DGUOK: variants seen among roughly 807,000 people sequenced by gnomAD.
DGUOK encodes deoxyguanosine kinase, mitochondrial.
Under a neutral mutation model 36.6 loss-of-function variants are expected in DGUOK, and 30 were observed. That is an observed-to-expected ratio of 0.82 (90% CI 0.61 to 1.11). DGUOK has a LOEUF of 1.11. Among genes scored for constraint, DGUOK ranks in the 50% most tolerant of loss-of-function variants. The probability of loss-of-function intolerance (pLI) is 0.00; values close to 1 mark genes in which losing one functional copy is unlikely to be tolerated. For synonymous variants in DGUOK, 145 were observed against 126.3 expected (o/e 1.15, Z -0.99); for missense variants, 361 against 336.4 (o/e 1.07, Z -0.57).
chr2:73,927,023 C>G lies in DGUOK; in HGVS notation c.113C>G (p.Pro38Arg), dbSNP rs1680645724. The change falls in exon 1 of 7, where the codon CCC becomes CGC. Residue 38 changes from proline (P) to arginine (R), a missense_variant. Coordinates refer to ENST00000264093, the MANE Select transcript of DGUOK (RefSeq NM_080916.3). ...SSRGLHAGRG[P>R]RRLSIEGNIA... ...AGAGGCCTGCACGCGGGGCGCGGGC[C>G]CCGAAGGCTCTCCATCGAAGGCAAC... 6.2e-7 allele frequency: 1 copy of G among 1,610,576 alleles called. No homozygotes were observed. The highest frequency in any genetic ancestry group is 8.5e-7 in the Non-Finnish European group (1 of 1,180,010).
chr2:73,942,675 A>G (rs1681986379), intron 2 of DGUOK, among the ~76,000 whole-genome samples: 1 of 152,168 alleles, frequency 6.6e-6, no homozygotes, highest in Admixed American at 6.5e-5. Context: ...GAGTTTTCTA[A>G]TATCTGTGCC....
chr2:73,957,925 G>GTT (rs1683244221), intron 5 of DGUOK: 1 of 452,548 alleles, frequency 2.2e-6, no homozygotes, highest in Non-Finnish European at 4.1e-6. Flanking sequence ...TGCTCTGACT[G>GTT]TTTGTTAGTA....
chr2:73,947,054 C>A, intron 3 of DGUOK, 148 bp downstream of exon 3: 1 of 807,078 alleles, frequency 1.2e-6, no homozygotes, highest in Non-Finnish European at 2.1e-6. Flanking sequence ...ACAGATTTGT[C>A]CAGAGTTGTA....
At chr2:73,933,519 G>A (rs962038179) in intron 1 of DGUOK, among the ~76,000 whole-genome samples, 5 of 152,212 alleles carry the variant, frequency 3.3e-5, no homozygotes, top group Non-Finnish European at 7.3e-5. Context: ...TGGTAGGCAA[G>A]GCGGGAGGAG....
chr2:73,927,194 C>T, intron 1 of DGUOK, 142 bp downstream of exon 1: 1 of 1,136,168 alleles, frequency 8.8e-7, no homozygotes, highest in Admixed American at 2.2e-5. Context: ...TTTCCCCTCG[C>T]AAAGTGCACT....
intron 4 of DGUOK, among the ~76,000 whole-genome samples, chr2:73,953,562 A>G (rs1023843975): frequency 2.6e-5 from 4 of 152,002 alleles, no homozygotes; most frequent in African/African-American, 9.7e-5. Context: ...AACTGTGCCC[A>G]AGGGAAGAGC....
intron 4 of DGUOK, 43 bp from the exon 5 acceptor site, chr2:73,957,082 A>G: frequency 6.8e-7 from 1 of 1,477,886 alleles, no homozygotes; most frequent in Non-Finnish European, 9.5e-7. Flanking sequence ...TGTAGCAGCC[A>G]AAACAGCAAA....
intron 4 of DGUOK, among the ~76,000 whole-genome samples, chr2:73,953,969 C>T (rs534487035): frequency 2.6e-5 from 4 of 152,156 alleles, no homozygotes; most frequent in East Asian, 3.9e-4. Flanking sequence ...CCGCCCGCCT[C>T]GGCCTCCCAA....
At chr2:73,949,991 G>T (rs1177417563) in intron 3 of DGUOK, among the ~76,000 whole-genome samples, 1 of 152,196 alleles carries the variant, frequency 6.6e-6, no homozygotes, top group African/African-American at 2.4e-5. Context: ...TTTTGCAGGA[G>T]AGTCTGCTTT....
intron 2 of DGUOK, among the ~76,000 whole-genome samples, chr2:73,943,323 A>ATTT (rs11306613): frequency 7.0e-6 from 1 of 142,654 alleles, no homozygotes; most frequent in Non-Finnish European, 1.5e-5. Context: ...CTACTTAAAA[A>ATTT]TTTTTTTTTT....
At chr2:73,957,408 C>T (rs765839670) in intron 5 of DGUOK, among the ~76,000 whole-genome samples, 168 bp downstream of exon 5, 10 of 152,110 alleles carry the variant, frequency 6.6e-5, no homozygotes, top group Admixed American at 2.6e-4. Flanking sequence ...TGCTGGACAC[C>T]GTGGCTCACG....
intron 1 of DGUOK, 118 bp downstream of exon 1, chr2:73,927,170 C>A: frequency 7.1e-7 from 1 of 1,403,232 alleles, no homozygotes. Flanking sequence ...TTTTTCTGGG[C>A]TGCGAGGAGA....
At chr2:73,957,911 T>C (rs1683242941) in intron 5 of DGUOK, 1 of 427,740 alleles carries the variant, frequency 2.3e-6, no homozygotes, top group African/African-American at 2.0e-5. Flanking sequence ...CTTAAAATGT[T>C]TGGTGCTCTG....
In DGUOK at chr2:73,957,154, C is replaced by T. The variant is rs955629513; in HGVS notation, c.621C>T (p.Ala207=). 4.3e-6 allele frequency: 7 copies of T among 1,614,020 alleles called. No individual in the cohort carries two copies. Among genetic ancestry groups the T allele is most frequent in the Non-Finnish European group, 5.9e-6 (7 of 1,179,980 alleles). Residue 207 remains alanine (A), a synonymous_variant, in exon 5 of 7, where the codon GCC becomes GCT. Coordinates refer to ENST00000264093, the MANE Select transcript of DGUOK (RefSeq NM_080916.3). ...GTTTGAAGAGACTGTACCAGAGGGC[C>T]AGGGAGGAGGAGAAAGGAATTGAGC... The part of the protein sequence containing the change: ...QVCLKRLYQR[A]REEEKGIELA...
At chr2:73,953,953 C>T (rs896405739) in intron 4 of DGUOK, among the ~76,000 whole-genome samples, 3 of 152,100 alleles carry the variant, frequency 2.0e-5, no homozygotes, top group Admixed American at 6.5e-5. Context: ...GATCTCCTGA[C>T]GTGATCCGCC....
At chr2:73,932,806 C>A (rs1681155254) in intron 1 of DGUOK, 2 of 380,956 alleles carry the variant, frequency 5.2e-6, no homozygotes, top group Admixed American at 4.5e-5. Context: ...TGGCATCTAG[C>A]ATGACTTACG....
In DGUOK at chr2:73,946,869, C is replaced by T; in HGVS notation, c.406C>T (p.Pro136Ser). 1 of 1,613,586 alleles carries T rather than the reference C, an allele frequency of 6.2e-7. No homozygotes were observed. The highest frequency in any genetic ancestry group is 8.5e-7 in the Non-Finnish European group (1 of 1,179,946). The change falls in exon 3 of 7, where the codon CCA (proline) becomes TCA (serine). Residue 136 changes from proline (P) to serine (S), a missense_variant. Transcript: ENST00000264093. ...FPEKLLQARK[P>S]VQIFERSVYS... is the part of the protein sequence containing the mutation. ...TGAGAAACTCTTACAGGCCAGGAAG[C>T]CAGTACAGATCTTTGAGAGGTCTGT...
At chr2:73,956,385 C>T (rs1345342404) in intron 4 of DGUOK, among the ~76,000 whole-genome samples, 1 of 152,168 alleles carries the variant, frequency 6.6e-6, no homozygotes, top group Non-Finnish European at 1.5e-5. Flanking sequence ...GCTATTCATA[C>T]ATACTGCTTT....
intron 3 of DGUOK, chr2:73,947,493 G>T (rs1682421509): frequency 5.5e-6 from 1 of 183,158 alleles, no homozygotes; most frequent in Admixed American, 5.4e-5. Flanking sequence ...GAGTCTAGTG[G>T]ACATCAGTGC....
Sources: gnomAD v4.1 joint callset for allele counts (sites outside exome capture counted in the v4.1 genomes callset) on GRCh38, gnomAD v4.1.1 for gene constraint, MANE v1.5 for transcripts, NCBI Gene and HGNC (gene_info 2026-07-23, HGNC 2026-07-21) for gene names.